SH3TC1: variants seen among roughly 807,000 people sequenced by gnomAD.
SH3TC1 encodes SH3 domain and tetratricopeptide repeat-containing protein 1.
SH3TC1 carries 135 observed loss-of-function variants against 117.3 expected under a neutral mutation model. That is an observed-to-expected ratio of 1.15 (90% CI 1.00 to 1.33). The LOEUF is 1.33. Ranked by LOEUF, SH3TC1 falls within the 40% of genes most tolerant of loss-of-function variation. The probability of loss-of-function intolerance (pLI) is 0.00; values close to 1 mark genes in which losing one functional copy is unlikely to be tolerated. For missense variants in SH3TC1, 2,092 were observed against 1,794.3 expected, an observed-to-expected ratio of 1.17 and a Z score of -3.00; for synonymous variants, 898 against 816.9, an observed-to-expected ratio of 1.10 and a Z score of -1.69.
chr4:8,239,580 G>A (rs905531006), intron 17 of SH3TC1, among the ~76,000 whole-genome samples: 1 of 150,088 alleles, frequency 6.7e-6, no homozygotes, highest in African/African-American at 2.5e-5. Context: ...ATGCACAGAG[G>A]CACACGCACA....
At position 8,216,913 on chromosome 4, in the gene SH3TC1, G is replaced by A. The variant is rs369688701; in HGVS notation, c.629-44G>A. On this transcript the variant is annotated intron_variant, in intron 6 of 17. Transcript: ENST00000245105. The stretch of plus-strand genomic sequence containing the variant: ...GTGTGGGGGGCAGGGCCACAGCTGC[G>A]CCCAGTCCGGCCACCCTCAGTGACC... 1.9e-5 allele frequency: 30 copies of A among 1,596,604 alleles called. No individual in the cohort carries two copies. In the Admixed American group the frequency reaches 2.0e-4, roughly 11 times the overall value.
chr4:8,231,691 C>T (rs753639078), intron 12 of SH3TC1: 7 of 454,810 alleles, frequency 1.5e-5, no homozygotes, highest in Non-Finnish European at 2.7e-5. Context: ...GAAGGCGGCC[C>T]TGGTCCTGGC....
In SH3TC1 at chr4:8,235,473, T is replaced by C; in HGVS notation, c.3323T>C (p.Leu1108Pro). The C allele has an allele frequency of 6.2e-7, 1 of 1,600,210 alleles. No individual in the cohort carries two copies. Among genetic ancestry groups the C allele is most frequent in the Non-Finnish European group, 8.5e-7 (1 of 1,172,214 alleles). Reference sequence around the variant, plus strand: ...GCCCTGTACACAGGCGACCCCAACCTGGGGCTGGAGCTGTTTGAGGCGGCT... The same window carrying C: ...GCCCTGTACACAGGCGACCCCAACCCGGGGCTGGAGCTGTTTGAGGCGGCT... Reference protein sequence around the residue: ...NVALYTGDPNLGLELFEAAGD... With the variant: ...NVALYTGDPNPGLELFEAAGD... Residue 1108 changes from leucine to proline, a missense_variant, in exon 15 of 18, where the codon CTG (leucine) becomes CCG (proline). Transcript: ENST00000245105.
Position 8,232,059 on chromosome 4 carries a change from C to G in SH3TC1, c.3034C>G (p.Leu1012Val). The G allele has an allele frequency of 1.9e-6, 3 of 1,613,514 alleles. No individual in the cohort carries two copies. The highest frequency in any genetic ancestry group is 2.5e-6 in the Non-Finnish European group (3 of 1,180,022). Reference sequence around the variant, plus strand: ...GGCCCAGTGTGTCATCTACCATGAGCTCCAGCTCTCCCTGGCCTGCAAGGT... The same window carrying G: ...GGCCCAGTGTGTCATCTACCATGAGGTCCAGCTCTCCCTGGCCTGCAAGGT... ...SEAQCVIYHE[L>V]QLSLACKVAD... Residue 1012 changes from leucine (L) to valine (V), a missense_variant, in exon 13 of 18, where the codon CTC becomes GTC. Transcript: ENST00000245105.
intron 17 of SH3TC1, among the ~76,000 whole-genome samples, chr4:8,239,518 GCACACAGGCACACACACAGACATGCACA>G (rs1251673023): frequency 3.4e-5 from 5 of 145,142 alleles, no homozygotes; most frequent in African/African-American, 5.2e-5. Flanking sequence ...CCAGGCACAT[GCACACAGGCACACACACAGACATGCACA>G]CACACAGGCA....
At chr4:8,237,850 C>A (rs1406548565) in intron 17 of SH3TC1, among the ~76,000 whole-genome samples, 180 bp downstream of exon 17, 1 of 152,116 alleles carries the variant, frequency 6.6e-6, no homozygotes, top group Admixed American at 6.5e-5. Context: ...TCCCGAGCGG[C>A]CAGGCCTCAC....
chr4:8,228,702 TGGG>T, intron 12 of SH3TC1, 58 bp downstream of exon 12: 1 of 1,297,032 alleles, frequency 7.7e-7, no homozygotes. Flanking sequence ...AGGGCACACC[TGGG>T]GTTTGTGATT....
At chr4:8,218,672 C>T (rs1159649694) in intron 8 of SH3TC1, among the ~76,000 whole-genome samples, 1 of 152,248 alleles carries the variant, frequency 6.6e-6, no homozygotes, top group Non-Finnish European at 1.5e-5. Context: ...ACTTCTCAGA[C>T]AGTGCAACCC....
At chr4:8,198,129 C>A (rs746544227), upstream of SH3TC1, among the ~76,000 whole-genome samples, 1 of 152,112 alleles carries the variant, frequency 6.6e-6, no homozygotes, top group Non-Finnish European at 1.5e-5. Context: ...AAGAAGGATG[C>A]GGCCCCAAAT....
chr4:8,238,152 CT>C (rs1721988881), intron 17 of SH3TC1, among the ~76,000 whole-genome samples: 1 of 152,154 alleles, frequency 6.6e-6, no homozygotes, highest in Admixed American at 6.5e-5. Context: ...TGAGCAACTC[CT>C]TCCTGGAGTC....
chr4:8,192,641 G>A lies in SH3TC1; in HGVS notation c.-57+10431G>A, dbSNP rs1232684773. On this transcript the variant is annotated intron_variant, in intron 1 of 16. Coordinates refer to the SH3TC1 transcript ENST00000508641. This position sits in a 1 kb window ranked among gnomAD's most constrained non-coding sequence, Gnocchi z 4.1. ...CCTGAGTAGCTGGGATCACAGGCGT[G>A]TGCCACAACGCCCAGCTAATTTTTG... is the stretch of plus-strand genomic sequence containing the variant. 1.3e-5 allele frequency among the ~76,000 whole-genome samples: 2 copies of A among 152,086 alleles called. No homozygotes were observed. Among genetic ancestry groups the A allele is most frequent in the East Asian group, 3.9e-4 (2 of 5,178 alleles).
chr4:8,231,901 G>A (rs910368562), intron 12 of SH3TC1, 75 bp from the exon 13 acceptor site: 58 of 1,544,554 alleles, frequency 3.8e-5, no homozygotes, highest in Non-Finnish European at 4.8e-5. Context: ...CAAGCACACC[G>A]CAGGGGCCTC....
At position 8,237,544 on chromosome 4, in the gene SH3TC1, G is replaced by A. The variant is rs1206536820; in HGVS notation, c.3627G>A (p.Glu1209=). 1 of 1,610,118 alleles carries A rather than the reference G, an allele frequency of 6.2e-7. No homozygotes were observed. Among genetic ancestry groups the A allele is most frequent in the South Asian group, 1.1e-5 (1 of 90,526 alleles). Residue 1209 remains glutamate (E), a synonymous_variant, in exon 17 of 18, where the codon GAG becomes GAA. Transcript: ENST00000245105. ...AALQHRLGHG[E]LAEHFYLKAL... ...TGCAACACCGACTGGGCCATGGCGA[G>A]CTGGCAGAGCACTTCTACCTCAAGG... is the stretch of plus-strand genomic sequence containing the variant.
In SH3TC1 at chr4:8,227,322, T is replaced by A; in HGVS notation, c.1628T>A (p.Leu543Gln). ...GACGAGGAGGAGCTGACTGGGCGCCTGGCACAGGCCCGGGGGGCGGCCAAG... is the reference window on the plus strand; with the variant it reads ...GACGAGGAGGAGCTGACTGGGCGCCAGGCACAGGCCCGGGGGGCGGCCAAG... The part of the protein sequence containing the change: ...FSDEEELTGR[L>Q]AQARGAAKKA... Residue 543 changes from leucine (L) to glutamine (Q), a missense_variant, in exon 12 of 18, where the codon CTG becomes CAG. By Grantham distance (113) the Leu-to-Gln change is moderately radical. Coordinates refer to ENST00000245105, the MANE Select transcript of SH3TC1 (RefSeq NM_018986.5). The A allele has an allele frequency of 6.2e-7, 1 of 1,609,946 alleles. No homozygotes were observed.
intron 1 of SH3TC1, among the ~76,000 whole-genome samples, chr4:8,182,431 C>T (rs1378486401): frequency 6.6e-6 from 1 of 152,130 alleles, no homozygotes; most frequent in Non-Finnish European, 1.5e-5. Context: ...CCTGGTGTTC[C>T]CATGTATGAG....
At position 8,232,096 on chromosome 4, in the gene SH3TC1, TGCTG is replaced by T; in HGVS notation, c.3073_3076del (p.Leu1025ArgfsTer118). 1 of 1,611,724 alleles carries T rather than the reference TGCTG, an allele frequency of 6.2e-7. No individual in the cohort carries two copies. Among genetic ancestry groups the T allele is most frequent in the African/African-American group, 1.3e-5 (1 of 74,740 alleles). On this transcript the variant is annotated frameshift_variant, in exon 13 of 18. Coordinates refer to ENST00000245105, the MANE Select transcript of SH3TC1 (RefSeq NM_018986.5). LOFTEE classifies it high-confidence loss of function. ...CTGGCCTGCAAGGTGGCCGACAAGG[TGCTG>T]GAGGGGCAGCTCCTGGAGACCATCA...
chr4:8,210,124 G>C lies in SH3TC1; in HGVS notation c.247+302G>C, dbSNP rs1222326740. Among the ~76,000 whole-genome samples, 2 of 152,196 alleles carry C rather than the reference G, an allele frequency of 1.3e-5. No individual in the cohort carries two copies. Among genetic ancestry groups the C allele is most frequent in the African/African-American group, 2.4e-5 (1 of 41,456 alleles). On this transcript the variant is annotated intron_variant, in intron 3 of 17. Transcript: ENST00000245105. The surrounding 1 kb of genome is among the most constrained non-coding windows in gnomAD (Gnocchi z 4.1). ...GGAGGGGCTTCACAGGTGCCATATG[G>C]TAAGAGGTAGACGAAAGTACCCACT... is the stretch of plus-strand genomic sequence containing the variant.
rs572445215 is a variant in SH3TC1 at position 8,202,926 on chromosome 4, C to G, written c.-28-2241C>G. On this transcript the variant is annotated intron_variant, in intron 1 of 17. Coordinates refer to ENST00000245105, the MANE Select transcript of SH3TC1 (RefSeq NM_018986.5). ...TTTAGACCGTGGGCTCCTCCCGCCC[C>G]TGCTCTGCTGATGGAGCCCAAGGTA... Among the ~76,000 whole-genome samples, 260 of 152,334 alleles carry G rather than the reference C, an allele frequency of 1.7e-3. 2 individuals carry two copies. The highest frequency in any genetic ancestry group is 6.0e-3 in the African/African-American group (251 of 41,570).
chr4:8,215,995 C>T (rs941564248), intron 5 of SH3TC1, 116 bp from the exon 6 acceptor site: 1 of 1,301,888 alleles, frequency 7.7e-7, no homozygotes, highest in Non-Finnish European at 1.0e-6. Flanking sequence ...GGGTGTCTTC[C>T]ATGGTCTCCC....
Sources: gnomAD v4.1 joint callset for allele counts (sites outside exome capture counted in the v4.1 genomes callset) on GRCh38, gnomAD v4.1.1 for gene constraint, Gnocchi (gnomAD v3.1) non-coding constraint, MANE v1.5 for transcripts, NCBI Gene and HGNC (gene_info 2026-07-23, HGNC 2026-07-21) for gene names.